ANKS1B: variants seen among roughly 807,000 people sequenced by gnomAD.
The protein encoded by ANKS1B is ankyrin repeat and sterile alpha motif domain containing 1B.
Under a neutral mutation model 148.3 loss-of-function variants are expected in ANKS1B, and 36 were observed. The observed-to-expected ratio is 0.24, with a 90% confidence interval of 0.19 to 0.32. The LOEUF is 0.32. Among genes scored for constraint, ANKS1B ranks in the 10% least tolerant of loss-of-function variants. The pLI is 1.00. For missense variants in ANKS1B, 1,157 were observed against 1,542.6 expected (o/e 0.75, Z 4.19); for synonymous variants, 542 against 560.8 (o/e 0.97, Z 0.47).
At chr12:99,828,065 TA>T (rs1356348022) in intron 1 of ANKS1B, among the ~76,000 whole-genome samples, 17 of 152,252 alleles carry the variant, frequency 1.1e-4, no homozygotes, top group African/African-American at 4.1e-4. Context: ...GGTAAACAGA[TA>T]AATTGTGATA....
intron 17 of ANKS1B, among the ~76,000 whole-genome samples, chr12:99,014,717 G>A (rs575720718): frequency 6.6e-6 from 1 of 152,280 alleles, no homozygotes; most frequent in Admixed American, 6.5e-5. Flanking sequence ...CAAAGGACAT[G>A]AACAGATACT....
chr12:99,576,857 A>G (rs568003466), intron 9 of ANKS1B, among the ~76,000 whole-genome samples: 2 of 152,026 alleles, frequency 1.3e-5, no homozygotes, highest in South Asian at 2.1e-4. Context: ...TGATCCCACC[A>G]TCCAGGTACT....
At chr12:98,942,259 G>T (rs771381336) in intron 17 of ANKS1B, among the ~76,000 whole-genome samples, 3 of 151,640 alleles carry the variant, frequency 2.0e-5, no homozygotes, top group Non-Finnish European at 4.4e-5. Flanking sequence ...GTGGGGGAGC[G>T]GGGGGAGGGG....
At chr12:99,054,361 A>G (rs2099968189) in intron 16 of ANKS1B, among the ~76,000 whole-genome samples, 1 of 152,208 alleles carries the variant, frequency 6.6e-6, no homozygotes. Flanking sequence ...CAGAGAAAAG[A>G]TTAGTCTGGG....
At chr12:99,121,321 A>ATGTGTGTGTGTGTGTGTGTGTGTGTGTG (rs57560069) in intron 15 of ANKS1B, among the ~76,000 whole-genome samples, 1 of 142,754 alleles carries the variant, frequency 7.0e-6, no homozygotes, top group Admixed American at 7.0e-5. Flanking sequence ...GTATGTAGGT[A>ATGTGTGTGTGTGTGTGTGTGTGTGTGTG]TGTGTGTGTG....
At chr12:99,721,166 T>G (rs1247851135) in intron 8 of ANKS1B, among the ~76,000 whole-genome samples, 2 of 152,164 alleles carry the variant, frequency 1.3e-5, no homozygotes, top group African/African-American at 2.4e-5. Flanking sequence ...TCCTTCAGCT[T>G]AATATCTCCC....
At chr12:99,953,248 T>A (rs1222569746) in intron 1 of ANKS1B, among the ~76,000 whole-genome samples, 1 of 151,902 alleles carries the variant, frequency 6.6e-6, no homozygotes, top group East Asian at 1.9e-4. Context: ...AGTAAGTGGG[T>A]TAGTACTAAG....
intron 12 of ANKS1B, among the ~76,000 whole-genome samples, chr12:99,384,776 C>T (rs1476839707): frequency 1.3e-5 from 2 of 152,078 alleles, no homozygotes; most frequent in African/African-American, 4.8e-5. Flanking sequence ...TTTATGTGCT[C>T]CTATAACTAT....
At chr12:99,355,028 CAG>C (rs542514225) in intron 12 of ANKS1B, among the ~76,000 whole-genome samples, 244 of 152,190 alleles carry the variant, frequency 1.6e-3, no homozygotes, top group African/African-American at 5.7e-3. Flanking sequence ...TAATAACTAA[CAG>C]TATGATATCT....
chr12:99,510,627 C>G (rs2096755609), intron 9 of ANKS1B, among the ~76,000 whole-genome samples: 4 of 151,926 alleles, frequency 2.6e-5, no homozygotes, highest in Admixed American at 1.3e-4. Context: ...GAAATACACT[C>G]CTGGTGAAGA....
intron 2 of ANKS1B, 149 bp downstream of exon 2, chr12:99,825,160 A>AACTT: frequency 1.6e-6 from 1 of 619,616 alleles, no homozygotes; most frequent in South Asian, 2.0e-5. Flanking sequence ...TACCAAGTCT[A>AACTT]ACTTGTCAGT....
At position 99,443,680 on chromosome 12, in the gene ANKS1B, C is replaced by T. The variant is rs757376360; in HGVS notation, c.1568G>A (p.Arg523Gln). 10 of 1,611,200 alleles carry T rather than the reference C, an allele frequency of 6.2e-6. No individual in the cohort carries two copies. The highest frequency in any genetic ancestry group is 5.1e-6 in the Non-Finnish European group (6 of 1,178,388). The change falls in exon 11 of 27, where the codon CGA (arginine) becomes CAA (glutamine). Residue 523 changes from arginine (R) to glutamine (Q), a missense_variant. Physicochemically the swap from Arg to Gln is conservative, Grantham distance 43. Transcript: ENST00000683438. Reference sequence around the variant, plus strand: ...GCCATTCTGGGCACTTACCTGGGGTCGAATGACTTTTACAATATTTTTGAG... The same window carrying T: ...GCCATTCTGGGCACTTACCTGGGGTTGAATGACTTTTACAATATTTTTGAG... ...TALKNIVKVI[R>Q]PQPKQRTSIV... is the part of the protein sequence containing the mutation.
intron 14 of ANKS1B, among the ~76,000 whole-genome samples, chr12:99,237,424 C>T (rs889872248): frequency 1.2e-4 from 19 of 152,068 alleles, no homozygotes; most frequent in Non-Finnish European, 2.8e-4. Context: ...GGCTACAAAA[C>T]TCAAACAAGA....
intron 17 of ANKS1B, among the ~76,000 whole-genome samples, chr12:98,885,215 C>T (rs2099736763): frequency 6.6e-6 from 1 of 151,976 alleles, no homozygotes; most frequent in South Asian, 2.1e-4. Flanking sequence ...AAAGAGTAAA[C>T]ATTAGTAAAA....
At chr12:99,381,814 A>G (rs2093654404) in intron 12 of ANKS1B, among the ~76,000 whole-genome samples, 1 of 152,200 alleles carries the variant, frequency 6.6e-6, no homozygotes, top group South Asian at 2.1e-4. Flanking sequence ...AATTGTCACT[A>G]TTTGGATTTT....
At chr12:98,753,510 C>T (rs1335213763) in intron 25 of ANKS1B, among the ~76,000 whole-genome samples, 1 of 152,174 alleles carries the variant, frequency 6.6e-6, no homozygotes, top group Non-Finnish European at 1.5e-5. Flanking sequence ...TCACTGCCAC[C>T]TCCACCTCTT....
chr12:99,168,804 G>A (rs1157832755), intron 14 of ANKS1B, among the ~76,000 whole-genome samples: 7 of 152,092 alleles, frequency 4.6e-5, no homozygotes, highest in African/African-American at 9.7e-5. Flanking sequence ...ATTTTGGCAT[G>A]TTCTTAATAT....
intron 12 of ANKS1B, among the ~76,000 whole-genome samples, chr12:99,321,806 C>T (rs753742019): frequency 3.9e-5 from 6 of 152,138 alleles, no homozygotes; most frequent in South Asian, 2.1e-4. Flanking sequence ...TCTTCCTATT[C>T]GGCCATCTTG....
chr12:99,598,924 G>C (rs2097778564), intron 9 of ANKS1B, among the ~76,000 whole-genome samples: 1 of 151,938 alleles, frequency 6.6e-6, no homozygotes, highest in African/African-American at 2.4e-5. Context: ...CAAGGTGTTG[G>C]GTGGGCCACG....
Sources: allele counts gnomAD v4.1 joint callset (sites outside exome capture counted in the v4.1 genomes callset), GRCh38; gene constraint gnomAD v4.1.1; transcripts MANE v1.5; gene names NCBI Gene and HGNC (gene_info 2026-07-23, HGNC 2026-07-21).